The following SLC35D4 variants were observed in gnomAD, a reference collection of about 807,000 sequenced individuals.
SLC35D4 encodes the protein UDP-N-acetylglucosamine transporter SLC35D4.
chr18:23,335,102 G>A, the SLC35D4 span, among the ~76,000 whole-genome samples: 24 of 152,174 alleles, frequency 1.6e-4, no homozygotes, highest in Non-Finnish European at 3.1e-4. Flanking sequence ...AAAAAAATGG[G>A]TGAATAACTA....
At chr18:23,346,780 C>A in the SLC35D4 span, among the ~76,000 whole-genome samples, 1 of 152,124 alleles carries the variant, frequency 6.6e-6, no homozygotes, top group Non-Finnish European at 1.5e-5. Context: ...TTGAAATGAT[C>A]ATGTATTTTT....
chr18:23,240,855 TCTC>T, the SLC35D4 span, among the ~76,000 whole-genome samples: 1 of 151,992 alleles, frequency 6.6e-6, no homozygotes, highest in Non-Finnish European at 1.5e-5. Flanking sequence ...ATGAAGCAGC[TCTC>T]AAAGTGATGA....
chr18:23,362,909 C>A, the SLC35D4 span, among the ~76,000 whole-genome samples: 1 of 152,148 alleles, frequency 6.6e-6, no homozygotes, highest in Non-Finnish European at 1.5e-5. Context: ...ACAAGCACAA[C>A]CTCTTAGCTG....
At chr18:23,263,600 A>G in the SLC35D4 span, among the ~76,000 whole-genome samples, 1 of 152,246 alleles carries the variant, frequency 6.6e-6, no homozygotes, top group Admixed American at 6.5e-5. Flanking sequence ...CTCGTGGTGC[A>G]TGTGTAGATT....
At chr18:23,316,386 C>G in the SLC35D4 span, among the ~76,000 whole-genome samples, 2 of 152,094 alleles carry the variant, frequency 1.3e-5, no homozygotes, top group Non-Finnish European at 1.5e-5. Context: ...TCCTAGAACC[C>G]ATAGAACTAT....
the SLC35D4 span, among the ~76,000 whole-genome samples, chr18:23,421,674 CTTTTTT>C: frequency 7.3e-6 from 1 of 136,414 alleles, no homozygotes; most frequent in East Asian, 2.1e-4. Flanking sequence ...TTCTTCTCCT[CTTTTTT>C]TTTTTTTTTT....
the SLC35D4 span, among the ~76,000 whole-genome samples, chr18:23,291,656 G>C: frequency 2.0e-5 from 3 of 152,146 alleles, no homozygotes; most frequent in Admixed American, 2.0e-4. Flanking sequence ...CTGCACAACA[G>C]CTCAGGGCTC....
At chr18:23,339,613 C>T in the SLC35D4 span, among the ~76,000 whole-genome samples, 1 of 152,200 alleles carries the variant, frequency 6.6e-6, no homozygotes, top group Non-Finnish European at 1.5e-5. Context: ...GTGTCTTAGT[C>T]CATCTGGGCT....
chr18:23,257,689 G>A, the SLC35D4 span: 4 of 249,612 alleles, frequency 1.6e-5, no homozygotes, highest in South Asian at 2.1e-4. Flanking sequence ...CTTTGCAAGC[G>A]TGGTCCAGGG....
the SLC35D4 span, among the ~76,000 whole-genome samples, chr18:23,332,335 C>G: frequency 6.6e-6 from 1 of 152,310 alleles, no homozygotes; most frequent in East Asian, 1.9e-4. Context: ...CATCTAATTC[C>G]ACAACACTGA....
the SLC35D4 span, among the ~76,000 whole-genome samples, chr18:23,407,100 G>A: frequency 1.3e-5 from 2 of 152,180 alleles, no homozygotes; most frequent in East Asian, 3.8e-4. Flanking sequence ...ATGAGCCACT[G>A]TGGCCAGCCT....
the SLC35D4 span, among the ~76,000 whole-genome samples, chr18:23,356,303 G>A: frequency 1.3e-5 from 2 of 152,190 alleles, no homozygotes; most frequent in Non-Finnish European, 2.9e-5. This position sits in a 1 kb window ranked among gnomAD's most constrained non-coding sequence, Gnocchi z 4.1. Context: ...ATTTGCTTGT[G>A]GAGGAGGAAA....
chr18:23,255,140 A>G, the SLC35D4 span, among the ~76,000 whole-genome samples: 1 of 152,088 alleles, frequency 6.6e-6, no homozygotes, highest in Non-Finnish European at 1.5e-5. Flanking sequence ...TGTGAGGCCC[A>G]TGGAGGAGGT....
chr18:23,408,734 C>G, the SLC35D4 span, among the ~76,000 whole-genome samples: 6 of 151,886 alleles, frequency 4.0e-5, no homozygotes, highest in Admixed American at 3.3e-4. Flanking sequence ...AAAAAACACA[C>G]ATATTTTCCT....
the SLC35D4 span, among the ~76,000 whole-genome samples, chr18:23,279,596 T>C: frequency 6.6e-6 from 1 of 151,990 alleles, no homozygotes; most frequent in African/African-American, 2.4e-5. Context: ...AGGACACAGA[T>C]ACAGGCACAC....
At chr18:23,322,867 A>G in the SLC35D4 span, among the ~76,000 whole-genome samples, 658 of 152,324 alleles carry the variant, frequency 4.3e-3, 7 homozygotes, top group African/African-American at 0.015. Flanking sequence ...ATCAGTGACA[A>G]CCTGGTATGG....
the SLC35D4 span, among the ~76,000 whole-genome samples, chr18:23,273,536 C>T: frequency 3.3e-5 from 5 of 152,284 alleles, no homozygotes; most frequent in South Asian, 8.3e-4. Context: ...ACTGTAACTT[C>T]CCTAGTTACA....
At chr18:23,327,563 C>T in the SLC35D4 span, among the ~76,000 whole-genome samples, 1 of 152,052 alleles carries the variant, frequency 6.6e-6, no homozygotes, top group African/African-American at 2.4e-5. Context: ...AATTAATAGC[C>T]TACCAACCAA....
the SLC35D4 span, among the ~76,000 whole-genome samples, chr18:23,341,342 C>A: frequency 1.3e-5 from 2 of 152,166 alleles, no homozygotes; most frequent in African/African-American, 4.8e-5. Flanking sequence ...GAGGAAGATA[C>A]TGAAAAAGGT....
Sources: allele counts gnomAD v4.1 joint callset (sites outside exome capture counted in the v4.1 genomes callset), GRCh38; gene constraint gnomAD v4.1.1; non-coding constraint Gnocchi (gnomAD v3.1); transcripts MANE v1.5; gene names NCBI Gene and HGNC (gene_info 2026-07-23, HGNC 2026-07-21).